CAMKMT: variants seen among roughly 807,000 people sequenced by gnomAD.
CAMKMT encodes calmodulin-lysine N-methyltransferase, also known as CaM KMT.
CAMKMT carries 53 observed loss-of-function variants against 48.0 expected under a neutral mutation model. The observed-to-expected ratio is 1.10, with a 90% CI of 0.89 to 1.39. The LOEUF is 1.39. Among genes scored for constraint, CAMKMT ranks in the 40% most tolerant of loss-of-function variants. The pLI, the probability that CAMKMT is intolerant of heterozygous loss-of-function variation, is 0.00. For missense variants in CAMKMT, 428 were observed against 402.7 expected (o/e 1.06, Z -0.54); for synonymous variants, 165 against 152.3 (o/e 1.08, Z -0.61).
chr2:44,626,562 G>A (rs1319855124), intron 3 of CAMKMT, among the ~76,000 whole-genome samples: 1 of 152,108 alleles, frequency 6.6e-6, no homozygotes, highest in Non-Finnish European at 1.5e-5. Flanking sequence ...AGTCCTCAAG[G>A]CACCAGCAGA....
rs970099791 is a variant in CAMKMT, at chr2:44,672,366, T to G, written c.377-31917T>G. ...AGCTTTTTACAATTTCAATTTGAAA[T>G]GCCACTTTTCTAGTTTTCGTGGCTA... On this transcript the variant is annotated intron_variant, in intron 3 of 10. Transcript: ENST00000378494. Among the ~76,000 whole-genome samples, 14 of 152,278 alleles carry G rather than the reference T, an allele frequency of 9.2e-5. No homozygotes were observed. The South Asian group carries it at 2.9e-3, about 32-fold the overall frequency.
At chr2:44,713,942 G>A (rs1000885467) in intron 6 of CAMKMT, among the ~76,000 whole-genome samples, 2 of 152,074 alleles carry the variant, frequency 1.3e-5, no homozygotes, top group African/African-American at 4.8e-5. Flanking sequence ...CTCCCCATGG[G>A]CCCAATTTAG....
chr2:44,516,866 C>A (rs988951474), intron 3 of CAMKMT, among the ~76,000 whole-genome samples: 2 of 151,760 alleles, frequency 1.3e-5, no homozygotes, highest in Non-Finnish European at 2.9e-5. Flanking sequence ...CTCAGCCTCC[C>A]GAGTAGCAGG....
intron 3 of CAMKMT, among the ~76,000 whole-genome samples, chr2:44,602,006 T>A (rs1371392982): frequency 2.6e-5 from 4 of 151,880 alleles, no homozygotes; most frequent in Non-Finnish European, 2.9e-5. Flanking sequence ...AAAAATATAT[T>A]TATTTATTTA....
chr2:44,617,782 G>A (rs557998699), intron 3 of CAMKMT, among the ~76,000 whole-genome samples: 29 of 152,296 alleles, frequency 1.9e-4, no homozygotes, highest in Admixed American at 9.1e-4. Flanking sequence ...GTGAGCATTC[G>A]TGACTTCTGC....
chr2:44,612,618 C>T (rs1008538796), intron 3 of CAMKMT, among the ~76,000 whole-genome samples: 12 of 152,068 alleles, frequency 7.9e-5, no homozygotes, highest in African/African-American at 2.7e-4. Context: ...TAGTTCCTAT[C>T]ATTAAAAGGT....
chr2:44,683,887 C>G (rs1252678627), intron 3 of CAMKMT, among the ~76,000 whole-genome samples: 1 of 148,052 alleles, frequency 6.8e-6, no homozygotes, highest in Non-Finnish European at 1.5e-5. Flanking sequence ...TAATGAATTA[C>G]TCTCCTGATA....
At chr2:44,593,022 G>A (rs1184078253) in intron 3 of CAMKMT, among the ~76,000 whole-genome samples, 1 of 152,280 alleles carries the variant, frequency 6.6e-6, no homozygotes, top group South Asian at 2.1e-4. Flanking sequence ...TGACTATAAT[G>A]ATAAGTATTT....
chr2:44,554,973 G>T (rs950570184), intron 3 of CAMKMT, among the ~76,000 whole-genome samples: 18 of 152,272 alleles, frequency 1.2e-4, no homozygotes, highest in Admixed American at 4.6e-4. Flanking sequence ...CAGATGAAGG[G>T]CGTTCTGGTT....
intron 3 of CAMKMT, among the ~76,000 whole-genome samples, chr2:44,523,363 G>A (rs977174529): frequency 4.0e-5 from 6 of 150,620 alleles, no homozygotes; most frequent in Non-Finnish European, 5.9e-5. Context: ...TGCAATCTTG[G>A]CTCACTGCAA....
intron 7 of CAMKMT, among the ~76,000 whole-genome samples, chr2:44,737,756 C>G (rs1218691635): frequency 6.7e-6 from 1 of 149,450 alleles, no homozygotes; most frequent in East Asian, 1.9e-4. Flanking sequence ...CTCTCTCTTT[C>G]TCTCTCTCTC....
intron 3 of CAMKMT, among the ~76,000 whole-genome samples, chr2:44,694,743 G>C (rs1325470092): frequency 6.6e-6 from 1 of 152,198 alleles, no homozygotes; most frequent in African/African-American, 2.4e-5. Flanking sequence ...AACAGGCCCA[G>C]TTCTGACAGA....
Position 44,657,034 on chromosome 2 carries a change from A to G in CAMKMT, c.377-47249A>G, listed in dbSNP as rs1674419495. ...TTTGACAGGGACATTCTGAATCCAGACTGGGTCACATTAATGTGTTTAACA... is the reference window on the plus strand; with the variant it reads ...TTTGACAGGGACATTCTGAATCCAGGCTGGGTCACATTAATGTGTTTAACA... On this transcript the variant is annotated intron_variant, in intron 3 of 10. Coordinates refer to ENST00000378494, the MANE Select transcript of CAMKMT (RefSeq NM_024766.5). This position sits in a 1 kb window ranked among gnomAD's most constrained non-coding sequence, Gnocchi z 4.3. 6.6e-6 allele frequency among the ~76,000 whole-genome samples: 1 copy of G among 152,200 alleles called. No homozygotes were observed. The highest frequency in any genetic ancestry group is 1.5e-5 in the Non-Finnish European group (1 of 68,026).
intron 7 of CAMKMT, among the ~76,000 whole-genome samples, chr2:44,738,451 A>G (rs952060168): frequency 5.3e-5 from 8 of 152,260 alleles, no homozygotes; most frequent in African/African-American, 1.7e-4. Flanking sequence ...TGGACTTCAT[A>G]TCTAGCTAAT....
chr2:44,598,509 T>C (rs1670800515), intron 3 of CAMKMT, among the ~76,000 whole-genome samples: 1 of 151,822 alleles, frequency 6.6e-6, no homozygotes, highest in South Asian at 2.1e-4. Context: ...GAATTAGCAT[T>C]GTCCTCTTCA....
At chr2:44,574,497 C>G (rs1160603017) in intron 3 of CAMKMT, among the ~76,000 whole-genome samples, 1 of 151,946 alleles carries the variant, frequency 6.6e-6, no homozygotes, top group Admixed American at 6.6e-5. Context: ...ACTTAAATAT[C>G]AAAGGTGCAC....
intron 3 of CAMKMT, among the ~76,000 whole-genome samples, chr2:44,471,675 A>G (rs1668425638): frequency 6.6e-6 from 1 of 152,168 alleles, no homozygotes; most frequent in Admixed American, 6.5e-5. Flanking sequence ...TTAAGCATTT[A>G]CTAGCTATGT....
At chr2:44,754,001 C>T in intron 8 of CAMKMT, 54 bp from the exon 9 acceptor site, 1 of 1,255,212 alleles carries the variant, frequency 8.0e-7, no homozygotes, top group Non-Finnish European at 1.2e-6. Context: ...CCATTAGTAT[C>T]ATTAGACTTG....
rs144634568 is a variant in CAMKMT at position 44,377,099 on chromosome 2, C to G, written c.311+4211C>G. Among the ~76,000 whole-genome samples the G allele has an allele frequency of 8.9e-3, 1,354 of 152,218 alleles. 16 individuals are homozygous for G. The highest frequency in any genetic ancestry group is 0.031 in the African/African-American group (1,280 of 41,522). ...ATAGCTCACTGAAGCCTTGACCTCC[C>G]AGGCTTAAGCAATCCGCCCGCCTTA... On this transcript the variant is annotated intron_variant, in intron 2 of 10. Transcript: ENST00000378494.
Sources: gnomAD v4.1 joint callset for allele counts (sites outside exome capture counted in the v4.1 genomes callset) on GRCh38, gnomAD v4.1.1 for gene constraint, Gnocchi (gnomAD v3.1) non-coding constraint, MANE v1.5 for transcripts, NCBI Gene and HGNC (gene_info 2026-07-23, HGNC 2026-07-21) for gene names.